Variants in IKZF1 observed in about 807,000 individuals in gnomAD.
The protein encoded by IKZF1 is IKAROS family zinc finger 1, also known as DNA-binding protein Ikaros.
IKZF1 carries 10 observed loss-of-function variants against 51.7 expected under a neutral mutation model. The ratio of observed to expected loss-of-function variants is 0.19; its 90% CI spans 0.12 to 0.33. The LOEUF (loss-of-function observed/expected upper bound fraction) is 0.33, where lower values mean the gene tolerates loss of function less well. Among genes scored for constraint, IKZF1 ranks in the 10% least tolerant of loss-of-function variants. The probability of loss-of-function intolerance (pLI) is 1.00; values close to 1 mark genes in which losing one functional copy is unlikely to be tolerated. For missense variants in IKZF1, 484 were observed against 707.5 expected (o/e 0.68, Z 3.58); for synonymous variants, 280 against 282.3 (o/e 0.99, Z 0.08).
At chr7:50,357,909 C>G (rs1033021678) in intron 3 of IKZF1, among the ~76,000 whole-genome samples, 3 of 152,186 alleles carry the variant, frequency 2.0e-5, no homozygotes, top group Admixed American at 1.3e-4. Flanking sequence ...GGGTGACCAT[C>G]TGGAGTCGGA....
At chr7:50,317,312 C>T (rs1457689784) in intron 1 of IKZF1, among the ~76,000 whole-genome samples, 1 of 152,180 alleles carries the variant, frequency 6.6e-6, no homozygotes, top group African/African-American at 2.4e-5. Context: ...CTTCAGAAAA[C>T]TAGAGAACTA....
At chr7:50,391,900 CTA>C (rs1815187943) in intron 7 of IKZF1, 37 bp downstream of exon 7, 2 of 1,582,084 alleles carry the variant, frequency 1.3e-6, no homozygotes, top group African/African-American at 1.4e-5. Flanking sequence ...TAAAAAAAAA[CTA>C]TGTGGGTGTT....
Position 50,387,345 on chromosome 7 carries a change from T to C in IKZF1, c.590T>C (p.Val197Ala). Reference sequence around the variant, plus strand: ...TTGAACTCAATTGTGTTTTCTGCAGTTGGTAAACCTCACAAATGTGGATAT... The same window carrying C: ...TTGAACTCAATTGTGTTTTCTGCAGCTGGTAAACCTCACAAATGTGGATAT... ...ALTGHLRTHS[V>A]GKPHKCGYCG... The change falls in exon 6 of 8, where the codon GTT (valine) becomes GCT (alanine). Residue 197 changes from valine (V) to alanine (A), a missense_variant and splice_region_variant. Transcript: ENST00000331340. The C allele has an allele frequency of 6.2e-7, 1 of 1,613,126 alleles. No individual in the cohort carries two copies. The highest frequency in any genetic ancestry group is 8.5e-7 in the Non-Finnish European group (1 of 1,179,462).
At position 50,403,782 on chromosome 7, in the gene IKZF1, G is replaced by A. The variant is rs1423756159; in HGVS notation, c.*3155G>A. ...AAAGAGCTGCCTGAGATGTAGTTTT[G>A]TTATATGGTTCCCCACCGACCATTT... On this transcript the variant is annotated 3_prime_UTR_variant, in exon 8 of 8. Coordinates refer to ENST00000331340, the MANE Select transcript of IKZF1 (RefSeq NM_006060.6). The A allele has an allele frequency of 8.8e-6, 2 of 227,298 alleles. No individual in the cohort carries two copies. Among genetic ancestry groups the A allele is most frequent in the East Asian group, 1.3e-4 (2 of 15,928 alleles). The allele number at this position is 227,298 out of a possible 1,614,324, so 14.1% of individuals were successfully genotyped here.
chr7:50,327,896 A>G (rs1795478128), intron 3 of IKZF1, 139 bp downstream of exon 3: 3 of 1,007,280 alleles, frequency 3.0e-6, no homozygotes, highest in East Asian at 2.7e-5. Flanking sequence ...TGGCACAAAG[A>G]TCAGCAGGAT....
At chr7:50,306,542 A>G (rs1788839197) in intron 1 of IKZF1, among the ~76,000 whole-genome samples, 2 of 152,200 alleles carry the variant, frequency 1.3e-5, no homozygotes, top group Non-Finnish European at 2.9e-5. Flanking sequence ...ACCCACCCTC[A>G]GGGTCTCCAG....
chr7:50,338,160 A>C (rs1321035263), intron 3 of IKZF1, among the ~76,000 whole-genome samples: 9 of 152,254 alleles, frequency 5.9e-5, no homozygotes, highest in African/African-American at 1.9e-4. Context: ...CCATGCTTGC[A>C]GTGATGACTA....
intron 1 of IKZF1, among the ~76,000 whole-genome samples, chr7:50,307,023 G>A (rs202199953): frequency 1.3e-5 from 2 of 152,180 alleles, no homozygotes; most frequent in African/African-American, 2.4e-5. Context: ...TGCACACAGC[G>A]TGGAGTGAGA....
chr7:50,388,526 T>A (rs971060309), intron 6 of IKZF1: 2 of 152,254 alleles, frequency 1.3e-5, no homozygotes, highest in African/African-American at 4.8e-5. Flanking sequence ...CCTCTGCCAG[T>A]CAGCCAGGGA....
rs1459868445 is a variant in IKZF1 at position 50,400,340 on chromosome 7, G to C, written c.1273G>C (p.Gly425Arg). 6.2e-7 allele frequency: 1 copy of C among 1,612,836 alleles called. No homozygotes were observed. The highest frequency in any genetic ancestry group is 8.5e-7 in the Non-Finnish European group (1 of 1,179,714). The change falls in exon 8 of 8, where the codon GGG (glycine) becomes CGG (arginine). Residue 425 changes from glycine to arginine, a missense_variant. By Grantham distance (125) the Gly-to-Arg change is moderately radical. Transcript: ENST00000331340. This position sits in a 1 kb window ranked among gnomAD's most constrained non-coding sequence, Gnocchi z 5.4. ...CCACATCGCCCCGCACGCGCGCAAC[G>C]GGCTGTCGCTCAAGGAGGAGCACCG... ...TNHIAPHARN[G>R]LSLKEEHRAY...
chr7:50,384,329 C>A (rs537223701), intron 5 of IKZF1, among the ~76,000 whole-genome samples: 25 of 152,354 alleles, frequency 1.6e-4, no homozygotes, highest in Admixed American at 1.4e-3. Flanking sequence ...CACCTCCTCT[C>A]CATCCTGACC....
intron 6 of IKZF1, 125 bp from the exon 7 acceptor site, chr7:50,391,604 G>A (rs1815080819): frequency 7.2e-7 from 1 of 1,390,812 alleles, no homozygotes; most frequent in South Asian, 1.5e-5. Context: ...GGGAAGATTA[G>A]AATTAATCTC....
In IKZF1 at chr7:50,376,967, A is replaced by G; in HGVS notation, c.421+174A>G. Reference sequence around the variant, plus strand: ...CGAGTCATAGAGTCCTTGTTCTGGTACAGCCTTGTAAAGGACTTCTCAACA... The same window carrying G: ...CGAGTCATAGAGTCCTTGTTCTGGTGCAGCCTTGTAAAGGACTTCTCAACA... On this transcript the variant is annotated intron_variant, in intron 4 of 7. Transcript: ENST00000331340. This position sits in a 1 kb window ranked among gnomAD's most constrained non-coding sequence, Gnocchi z 4.5. The G allele has an allele frequency of 8.7e-7, 1 of 1,148,078 alleles. No individual in the cohort carries two copies. The highest frequency in any genetic ancestry group is 1.2e-6 in the Non-Finnish European group (1 of 833,134). The allele number at this position is 1,148,078 out of a possible 1,614,324, so 71.1% of individuals were successfully genotyped here.
chr7:50,327,609 C>A (rs767758920), intron 2 of IKZF1, 29 bp from the exon 3 acceptor site: 21 of 1,584,212 alleles, frequency 1.3e-5, no homozygotes, highest in Non-Finnish European at 1.5e-5. Context: ...CATGACCGCC[C>A]GAGACTCACA....
intron 3 of IKZF1, among the ~76,000 whole-genome samples, chr7:50,357,940 G>C (rs972005988): frequency 1.3e-5 from 2 of 152,036 alleles, no homozygotes; most frequent in Non-Finnish European, 2.9e-5. Flanking sequence ...TTTGTAAAGC[G>C]GGGGTGATAT....
chr7:50,401,742 T>C lies in IKZF1; in HGVS notation c.*1115T>C, dbSNP rs938490930. On this transcript the variant is annotated 3_prime_UTR_variant, in exon 8 of 8. Transcript: ENST00000331340. ...CTACCCTCACTATATATTATTCTCG[T>C]TTTAAAACCCATAAAGGAGTGATTT... 9.2e-6 allele frequency: 2 copies of C among 217,596 alleles called. No individual in the cohort carries two copies. The highest frequency in any genetic ancestry group is 4.5e-5 in the African/African-American group (2 of 44,442). 13.5% of individuals were successfully genotyped at this position (217,596 alleles called of 1,614,324 possible).
At position 50,319,048 on chromosome 7, in the gene IKZF1, A is replaced by T; in HGVS notation, c.-14A>T. 1 of 1,609,158 alleles carries T rather than the reference A, an allele frequency of 6.2e-7. No homozygotes were observed. Among genetic ancestry groups the T allele is most frequent in the Non-Finnish European group, 8.5e-7 (1 of 1,175,794 alleles). On this transcript the variant is annotated splice_region_variant and 5_prime_UTR_variant, in exon 2 of 8. Transcript: ENST00000331340. ...TAAAATCCCTTCCTCTCTTTCTCAG[A>T]TAACCTGAGGACCATGGATGCTGAT...
At chr7:50,399,840 A>C (rs1036732097) in intron 7 of IKZF1, 78 bp from the exon 8 acceptor site, 4 of 1,515,794 alleles carry the variant, frequency 2.6e-6, no homozygotes, top group Non-Finnish European at 3.5e-6. Flanking sequence ...CCCCGGTTGT[A>C]GATTTCAGCT....
Position 50,376,441 on chromosome 7 carries a change from C to CACCTATTTGATT in IKZF1, c.161-91_161-80dup. On this transcript the variant is annotated intron_variant, in intron 3 of 7. Coordinates refer to ENST00000331340, the MANE Select transcript of IKZF1 (RefSeq NM_006060.6). This position sits in a 1 kb window ranked among gnomAD's most constrained non-coding sequence, Gnocchi z 4.5. ...AGAACTTCTGTTTAGTAGCTCTCCA[C>CACCTATTTGATT]ACCTATTTGATTGTCTTTTTGCTGC... is the stretch of plus-strand genomic sequence containing the variant. 1 of 1,552,540 alleles carries CACCTATTTGATT rather than the reference C, an allele frequency of 6.4e-7. No individual in the cohort carries two copies. Among genetic ancestry groups the CACCTATTTGATT allele is most frequent in the East Asian group, 2.2e-5 (1 of 44,548 alleles).
Sources: allele counts gnomAD v4.1 joint callset (sites outside exome capture counted in the v4.1 genomes callset), GRCh38; gene constraint gnomAD v4.1.1; non-coding constraint Gnocchi (gnomAD v3.1); transcripts MANE v1.5; gene names NCBI Gene and HGNC (gene_info 2026-07-23, HGNC 2026-07-21).